The following CSMD1 variants were observed in gnomAD, a reference collection of about 807,000 sequenced individuals.
CSMD1 encodes the protein CUB and Sushi multiple domains 1, also known as CUB and sushi domain-containing protein 1.
In CSMD1, 213 loss-of-function variants were observed where a neutral mutation model predicts 417.5. The observed-to-expected ratio is 0.51, with a 90% CI of 0.46 to 0.57. CSMD1 has a LOEUF of 0.57. CSMD1 is among the 20% of genes least tolerant of loss of function. The pLI is 0.00. For missense variants in CSMD1, 6,923 were observed against 4,529.7 expected (o/e 1.53, Z -15.17); for synonymous variants, 2,862 against 1,736.8 (o/e 1.65, Z -16.11).
intron 1 of CSMD1, among the ~76,000 whole-genome samples, chr8:4,921,112 G>C (rs1053906292): frequency 1.9e-4 from 29 of 151,278 alleles, no homozygotes; most frequent in African/African-American, 6.8e-4. Context: ...AAGAAAGAAA[G>C]AAAGAAAAGA....
chr8:3,501,035 A>C (rs1796578907), intron 10 of CSMD1, among the ~76,000 whole-genome samples: 1 of 152,232 alleles, frequency 6.6e-6, no homozygotes, highest in Non-Finnish European at 1.5e-5. Flanking sequence ...TTTCCTTGAC[A>C]AAATATTAAT....
intron 41 of CSMD1, among the ~76,000 whole-genome samples, chr8:3,125,584 T>C (rs758804247): frequency 5.9e-5 from 9 of 152,362 alleles, no homozygotes; most frequent in South Asian, 2.1e-4. Context: ...CAGCTGAAGG[T>C]CACAACTTCT....
intron 2 of CSMD1, among the ~76,000 whole-genome samples, chr8:4,456,843 C>T (rs1253576406): frequency 6.6e-6 from 1 of 152,028 alleles, no homozygotes; most frequent in African/African-American, 2.4e-5. Flanking sequence ...CAGGACCCAT[C>T]CTGACCAAGC....
At chr8:4,284,927 G>T (rs948624160) in intron 3 of CSMD1, among the ~76,000 whole-genome samples, 1 of 152,130 alleles carries the variant, frequency 6.6e-6, no homozygotes, top group Non-Finnish European at 1.5e-5. Context: ...GGATGCACCA[G>T]TTAATTACCT....
intron 1 of CSMD1, among the ~76,000 whole-genome samples, chr8:4,975,600 C>T (rs1810505741): frequency 6.6e-6 from 1 of 152,180 alleles, no homozygotes; most frequent in Non-Finnish European, 1.5e-5. Context: ...AAACCCCATC[C>T]TGTAGGCTCC....
chr8:3,084,035 C>G (rs1296655315), intron 49 of CSMD1, among the ~76,000 whole-genome samples: 1 of 152,032 alleles, frequency 6.6e-6, no homozygotes, highest in Admixed American at 6.6e-5. Context: ...TTGTTGTTGT[C>G]ATTTCTCCTT....
rs373266466 is a variant in CSMD1 at position 2,998,044 on chromosome 8, C to T, written c.8344G>A (p.Gly2782Ser). 39 of 1,613,796 alleles carry T rather than the reference C, an allele frequency of 2.4e-5. No individual in the cohort carries two copies. In the African/African-American group the frequency reaches 2.7e-4, roughly 11 times the overall value. Residue 2782 changes from glycine (G) to serine (S), a missense_variant, in exon 54 of 70, where the codon GGC becomes AGC. By Grantham distance (56) the Gly-to-Ser change is moderately conservative. Coordinates refer to ENST00000635120, the MANE Select transcript of CSMD1 (RefSeq NM_033225.6). ...GTGGGCAGAGGGCTACTCCACTGGC[C>T]GTTGCTCCGACACTGGGCTCGAGAC... is the stretch of plus-strand genomic sequence containing the variant. ...GVSRAQCRSN[G>S]QWSSPLPTCR...
At chr8:3,527,503 G>C (rs1211154838) in intron 10 of CSMD1, among the ~76,000 whole-genome samples, 1 of 152,146 alleles carries the variant, frequency 6.6e-6, no homozygotes, top group Non-Finnish European at 1.5e-5. Flanking sequence ...GGGGAGGTCT[G>C]CCTGGTGAGG....
At chr8:3,493,841 A>G in intron 10 of CSMD1, 115 bp from the exon 11 acceptor site, 2 of 706,630 alleles carry the variant, frequency 2.8e-6, no homozygotes, top group Middle Eastern at 2.5e-4. Context: ...TGCCAATGTC[A>G]AATGATCCCA....
chr8:2,955,734 G>C lies in CSMD1; in HGVS notation c.9849C>G (p.His3283Gln), dbSNP rs1802954766. Residue 3283 changes from histidine to glutamine, a missense_variant, in exon 64 of 70, where the codon CAC becomes CAG. By Grantham distance (24) the His-to-Gln change is conservative (BLOSUM62 0). Transcript: ENST00000635120. Reference protein sequence around the residue: ...HACRQPETPAHADVRAIDLPT... With the variant: ...HACRQPETPAQADVRAIDLPT... ...GAAGATCGATGGCTCTCACATCCGC[G>C]TGTGCCGGGGTTTCTGGCTGTCTGC... The C allele has an allele frequency of 6.2e-7, 1 of 1,613,884 alleles. No individual in the cohort carries two copies. Among genetic ancestry groups the C allele is most frequent in the Non-Finnish European group, 8.5e-7 (1 of 1,179,790 alleles).
chr8:3,517,420 G>T (rs554164393), intron 10 of CSMD1, among the ~76,000 whole-genome samples: 1 of 152,092 alleles, frequency 6.6e-6, no homozygotes, highest in Non-Finnish European at 1.5e-5. Context: ...AGCAAAGAGA[G>T]TCCTCTACAC....
chr8:3,643,316 T>A, intron 7 of CSMD1, among the ~76,000 whole-genome samples: 1 of 149,370 alleles, frequency 6.7e-6, no homozygotes. Context: ...AAGAAAGAGG[T>A]GAAAAAAAAT....
intron 3 of CSMD1, among the ~76,000 whole-genome samples, chr8:4,399,542 G>T (rs1177814278): frequency 6.6e-6 from 1 of 151,790 alleles, no homozygotes; most frequent in Admixed American, 6.6e-5. Flanking sequence ...CTGAATCCTG[G>T]CCACCTAACT....
chr8:4,444,307 A>T (rs1458138030), intron 2 of CSMD1, among the ~76,000 whole-genome samples: 2 of 133,868 alleles, frequency 1.5e-5, no homozygotes, highest in Non-Finnish European at 3.1e-5. Context: ...AGATCTCGCG[A>T]CTTCACTCAA....
intron 5 of CSMD1, among the ~76,000 whole-genome samples, chr8:3,923,383 C>G (rs565653955): frequency 9.0e-4 from 137 of 152,226 alleles, no homozygotes; most frequent in Non-Finnish European, 1.6e-3. Flanking sequence ...TTGCAATTTC[C>G]TTATTATATC....
intron 2 of CSMD1, among the ~76,000 whole-genome samples, chr8:4,483,125 G>A (rs1031844353): frequency 6.6e-6 from 1 of 152,076 alleles, no homozygotes; most frequent in East Asian, 1.9e-4. Flanking sequence ...TGTTCTCCTG[G>A]TGGTGGATAA....
intron 7 of CSMD1, among the ~76,000 whole-genome samples, chr8:3,621,817 C>T (rs188550692): frequency 7.9e-5 from 12 of 151,578 alleles, no homozygotes; most frequent in Non-Finnish European, 1.8e-4. Context: ...CCATATTGCC[C>T]AGGCTGGTCT....
chr8:3,403,666 T>C (rs1462429961), intron 15 of CSMD1, among the ~76,000 whole-genome samples: 1 of 152,164 alleles, frequency 6.6e-6, no homozygotes, highest in Non-Finnish European at 1.5e-5. Flanking sequence ...AGAACAGAGA[T>C]GAGAGTGTAG....
chr8:2,951,549 T>C (rs564327776), intron 65 of CSMD1, among the ~76,000 whole-genome samples: 2 of 152,302 alleles, frequency 1.3e-5, no homozygotes, highest in African/African-American at 4.8e-5. Context: ...TTAACAGCCC[T>C]TCCAAGCTCA....
Sources: allele counts gnomAD v4.1 joint callset (sites outside exome capture counted in the v4.1 genomes callset), GRCh38; gene constraint gnomAD v4.1.1; transcripts MANE v1.5; gene names NCBI Gene and HGNC (gene_info 2026-07-23, HGNC 2026-07-21).